The following SPAG16 variants were observed in gnomAD, a reference collection of about 807,000 sequenced individuals.
The protein encoded by SPAG16 is sperm associated antigen 16, also known as sperm-associated antigen 16 protein.
Under a neutral mutation model 80.4 loss-of-function variants are expected in SPAG16, and 86 were observed. The ratio of observed to expected loss-of-function variants is 1.07; its 90% CI spans 0.90 to 1.28. SPAG16 has a LOEUF of 1.28. SPAG16 is among the 50% of genes most tolerant of loss of function. The pLI, the probability that SPAG16 is intolerant of heterozygous loss-of-function variation, is 0.00. For missense variants in SPAG16, 870 were observed against 765.3 expected, an observed-to-expected ratio of 1.14 and a Z score of -1.61; for synonymous variants, 294 against 265.9, an observed-to-expected ratio of 1.11 and a Z score of -1.03.
At chr2:213,725,494 A>G (rs537815335) in intron 10 of SPAG16, among the ~76,000 whole-genome samples, 1 of 152,290 alleles carries the variant, frequency 6.6e-6, no homozygotes, top group South Asian at 2.1e-4. Flanking sequence ...AGTCACTACA[A>G]AACTGGTGGC....
chr2:213,496,316 G>T (rs1268592104), intron 10 of SPAG16, among the ~76,000 whole-genome samples: 2 of 152,108 alleles, frequency 1.3e-5, no homozygotes, highest in East Asian at 3.8e-4. Context: ...CAAGGTTTTT[G>T]GCCTGAGAAC....
chr2:213,776,261 T>C (rs1186387409), intron 10 of SPAG16, among the ~76,000 whole-genome samples: 1 of 152,204 alleles, frequency 6.6e-6, no homozygotes, highest in African/African-American at 2.4e-5. Flanking sequence ...ATAAATTTAT[T>C]CTGGCTTCTG....
chr2:214,078,179 G>C (rs556019071), intron 13 of SPAG16, among the ~76,000 whole-genome samples: 70 of 152,204 alleles, frequency 4.6e-4, no homozygotes, highest in South Asian at 8.3e-4. Flanking sequence ...AGGGGAGCTT[G>C]TTTCCAGAAA....
chr2:214,069,851 A>G (rs1576059232), intron 13 of SPAG16, among the ~76,000 whole-genome samples: 1 of 152,152 alleles, frequency 6.6e-6, no homozygotes, highest in Admixed American at 6.6e-5. Context: ...AATATCAGAT[A>G]GACAACAGAC....
At chr2:214,068,329 A>G (rs1576053421) in intron 13 of SPAG16, among the ~76,000 whole-genome samples, 1 of 152,174 alleles carries the variant, frequency 6.6e-6, no homozygotes, top group East Asian at 1.9e-4. Context: ...TGTGTACTGT[A>G]TTATTAGATA....
intron 15 of SPAG16, among the ~76,000 whole-genome samples, chr2:214,211,779 G>T (rs548254983): frequency 1.6e-4 from 24 of 152,236 alleles, no homozygotes; most frequent in African/African-American, 5.5e-4. Context: ...AAGTAAGCTT[G>T]CTCCATCCCA....
chr2:214,022,225 T>C (rs2047908513), intron 13 of SPAG16, among the ~76,000 whole-genome samples: 1 of 152,158 alleles, frequency 6.6e-6, no homozygotes, highest in Admixed American at 6.6e-5. Context: ...TACAAGAAGA[T>C]ATGCTTGAAA....
Position 214,292,739 on chromosome 2 carries a change from C to G in SPAG16, c.1721-117401C>G, listed in dbSNP as rs537401555. On this transcript the variant is annotated intron_variant, in intron 15 of 15. Coordinates refer to ENST00000331683, the MANE Select transcript of SPAG16 (RefSeq NM_024532.5). Reference sequence around the variant, plus strand: ...TGCTTTTTGATGCTTCCTGTATCCTCACATTGATATCTGTGCATCTGGTGT... The same window carrying G: ...TGCTTTTTGATGCTTCCTGTATCCTGACATTGATATCTGTGCATCTGGTGT... Among the ~76,000 whole-genome samples the G allele has an allele frequency of 2.2e-4, 34 of 152,300 alleles. No individual in the cohort carries two copies. The East Asian group carries it at 6.6e-3, about 29-fold the overall frequency.
intron 10 of SPAG16, among the ~76,000 whole-genome samples, chr2:213,806,043 A>G (rs1285244029): frequency 1.3e-5 from 2 of 150,142 alleles, no homozygotes; most frequent in African/African-American, 4.9e-5. Flanking sequence ...AATTATTATT[A>G]GGTTTTATGT....
At chr2:213,535,741 G>A (rs1444685974) in intron 10 of SPAG16, among the ~76,000 whole-genome samples, 1 of 152,110 alleles carries the variant, frequency 6.6e-6, no homozygotes. Context: ...TCTATCATAA[G>A]AAGAAATGTT....
intron 10 of SPAG16, among the ~76,000 whole-genome samples, chr2:213,604,951 T>C (rs2061202524): frequency 6.7e-6 from 1 of 149,160 alleles, no homozygotes; most frequent in Non-Finnish European, 1.5e-5. Flanking sequence ...AATATTTATA[T>C]TAAATACAAA....
At chr2:213,797,051 TAAAA>T (rs71063780) in intron 10 of SPAG16, among the ~76,000 whole-genome samples, 1 of 149,096 alleles carries the variant, frequency 6.7e-6, no homozygotes, top group Non-Finnish European at 1.5e-5. Flanking sequence ...AAATTAAAAT[TAAAA>T]AAAAAAACAT....
intron 10 of SPAG16, among the ~76,000 whole-genome samples, chr2:213,641,648 T>C (rs996037276): frequency 2.0e-5 from 3 of 152,222 alleles, no homozygotes; most frequent in African/African-American, 7.2e-5. Context: ...ATTCTACTTT[T>C]GTATTTTACT....
At chr2:214,316,898 A>G (rs1695736645) in intron 15 of SPAG16, among the ~76,000 whole-genome samples, 1 of 152,260 alleles carries the variant, frequency 6.6e-6, no homozygotes, top group South Asian at 2.1e-4. Flanking sequence ...CCACTAAATC[A>G]TCAATGGGCC....
chr2:213,718,456 G>A (rs903555226), intron 10 of SPAG16, among the ~76,000 whole-genome samples: 6 of 152,166 alleles, frequency 3.9e-5, no homozygotes, highest in African/African-American at 1.4e-4. Flanking sequence ...GCCAAGGCTG[G>A]AGCCCACTCC....
chr2:214,399,388 A>G (rs1701583359), intron 15 of SPAG16, among the ~76,000 whole-genome samples: 1 of 152,072 alleles, frequency 6.6e-6, no homozygotes, highest in African/African-American at 2.4e-5. Context: ...TTTACCTAAC[A>G]ATGTTGCCCT....
intron 10 of SPAG16, among the ~76,000 whole-genome samples, chr2:213,616,462 A>G (rs1017402785): frequency 2.0e-5 from 3 of 152,348 alleles, no homozygotes; most frequent in Middle Eastern, 3.4e-3. Context: ...AAGCATAGCT[A>G]CAATCGCTGT....
chr2:213,425,510 G>T lies in SPAG16; in HGVS notation c.942+50391G>T, dbSNP rs1375211255. Among the ~76,000 whole-genome samples the T allele has an allele frequency of 2.0e-5, 3 of 151,908 alleles. No homozygotes were observed. The East Asian group carries it at 5.8e-4, about 29-fold the overall frequency. On this transcript the variant is annotated intron_variant, in intron 9 of 15. Coordinates refer to ENST00000331683, the MANE Select transcript of SPAG16 (RefSeq NM_024532.5). ...ACTAAAAATACAAAAAAATTAACTG[G>T]GTGTGGTGGCATGTGCCTGTAATCC...
At chr2:214,301,266 CT>C (rs533507546) in intron 15 of SPAG16, among the ~76,000 whole-genome samples, 9 of 150,768 alleles carry the variant, frequency 6.0e-5, no homozygotes, top group Non-Finnish European at 1.2e-4. Context: ...TCCAACATCC[CT>C]TCATGATAAA....
Sources: allele counts gnomAD v4.1 joint callset (sites outside exome capture counted in the v4.1 genomes callset), GRCh38; gene constraint gnomAD v4.1.1; transcripts MANE v1.5; gene names NCBI Gene and HGNC (gene_info 2026-07-23, HGNC 2026-07-21).